Variants in XPO6 observed in about 807,000 individuals in gnomAD.
XPO6 encodes the protein exportin 6.
Under a neutral mutation model 130.0 loss-of-function variants are expected in XPO6, and 3 were observed. The ratio of observed to expected loss-of-function variants is 0.02; its 90% CI spans 0.01 to 0.06. The LOEUF is 0.06. XPO6 is among the 10% of genes least tolerant of loss of function. The pLI is 1.00. For missense variants in XPO6, 970 were observed against 1,393.0 expected (o/e 0.70, Z 4.83); for synonymous variants, 524 against 548.9 (o/e 0.95, Z 0.63).
At chr16:28,128,354 C>G (rs984292512) in intron 12 of XPO6, among the ~76,000 whole-genome samples, 103 of 152,140 alleles carry the variant, frequency 6.8e-4, no homozygotes, top group African/African-American at 2.4e-3. Context: ...CAGAGCAACA[C>G]TGGGGGTCAC....
chr16:28,119,257 G>T (rs1004536799), intron 14 of XPO6, among the ~76,000 whole-genome samples: 1 of 150,884 alleles, frequency 6.6e-6, no homozygotes, highest in South Asian at 2.1e-4. Context: ...GGGCTCAAGC[G>T]ATCTTCCCAC....
chr16:28,129,531 T>TGA (rs1190398639), intron 12 of XPO6, among the ~76,000 whole-genome samples: 1,875 of 152,258 alleles, frequency 0.012, 37 homozygotes, highest in African/African-American at 0.043. Flanking sequence ...AACCAAGTCA[T>TGA]TCTAAAGCTG....
intron 10 of XPO6, among the ~76,000 whole-genome samples, chr16:28,134,142 C>G (rs764096908): frequency 6.6e-6 from 1 of 152,222 alleles, no homozygotes; most frequent in Non-Finnish European, 1.5e-5. Flanking sequence ...AAATGATCCA[C>G]ATAGAATAAG....
intron 1 of XPO6, among the ~76,000 whole-genome samples, chr16:28,197,304 C>T (rs941878874): frequency 5.9e-5 from 9 of 151,904 alleles, no homozygotes; most frequent in Admixed American, 1.3e-4. Context: ...AACTAACTTA[C>T]GACTGGAAAA....
In XPO6 at chr16:28,193,949, T is replaced by C. The variant is rs574133247; in HGVS notation, c.4-12918A>G. ...CCCAACAGGTGGCTGGGTACGCTTG[T>C]CCTGGGAAGGCCTTAGCATGAACTG... On this transcript the variant is annotated intron_variant, in intron 1 of 23. Transcript: ENST00000304658. Among the ~76,000 whole-genome samples the C allele has an allele frequency of 2.6e-5, 4 of 152,224 alleles. No homozygotes were observed. In the South Asian group the frequency reaches 8.3e-4, roughly 32 times the overall value.
intron 2 of XPO6, among the ~76,000 whole-genome samples, chr16:28,179,796 G>C (rs1767374902): frequency 6.6e-6 from 1 of 152,060 alleles, no homozygotes; most frequent in Non-Finnish European, 1.5e-5. Context: ...CAATGACTAG[G>C]TACAAAGAGA....
chr16:28,188,497 C>T lies in XPO6; in HGVS notation c.4-7466G>A, dbSNP rs577274427. On this transcript the variant is annotated intron_variant, in intron 1 of 23. Transcript: ENST00000304658. ...AGGTTTCGAAGAAAAGTGATTCTAT[C>T]CCTGCTGCCAACGAAGGTTAAAAAG... is the stretch of plus-strand genomic sequence containing the variant. Among the ~76,000 whole-genome samples the T allele has an allele frequency of 3.9e-5, 6 of 152,114 alleles. No individual in the cohort carries two copies. In the East Asian group the frequency reaches 1.2e-3, roughly 29 times the overall value.
intron 1 of XPO6, among the ~76,000 whole-genome samples, chr16:28,207,225 G>C (rs190621219): frequency 6.6e-4 from 100 of 151,062 alleles, no homozygotes; most frequent in African/African-American, 2.3e-3. Flanking sequence ...TCCAGCCTGG[G>C]TGCAAAAGCA....
At chr16:28,116,809 C>CA (rs1016755707) in intron 15 of XPO6, among the ~76,000 whole-genome samples, 48 of 152,132 alleles carry the variant, frequency 3.2e-4, no homozygotes, top group African/African-American at 1.1e-3. Context: ...GATATAGTAA[C>CA]AAAAAAGTCT....
At position 28,211,753 on chromosome 16, in the gene XPO6, C is replaced by G. The variant is rs4334304; in HGVS notation, c.-385G>C. 14,398 of 332,340 alleles carry G rather than the reference C, an allele frequency of 0.043. 1,118 individuals are homozygous for G. Among genetic ancestry groups the G allele is most frequent in the East Asian group, 0.2 (4,374 of 21,734 alleles). 20.6% of individuals were successfully genotyped at this position (332,340 alleles called of 1,614,324 possible). A position where few individuals can be genotyped will look rare whatever the true frequency, so the allele number is the denominator to read the frequency against. On this transcript the variant is annotated 5_prime_UTR_variant, in exon 1 of 24. Coordinates refer to ENST00000304658, the MANE Select transcript of XPO6 (RefSeq NM_015171.4). ...GCAGAGGTGGCGGCGGCCCCGGCCC[C>G]GAGGCTGAACGGGCGGAGGCTGACA...
chr16:28,103,736 G>A (rs75785297), intron 21 of XPO6, among the ~76,000 whole-genome samples: 149 of 152,296 alleles, frequency 9.8e-4, no homozygotes, highest in Non-Finnish European at 1.9e-3. Flanking sequence ...GAAGGCCAGG[G>A]CAAGGGCACG....
At chr16:28,100,133 G>A (rs559214681) in intron 23 of XPO6, among the ~76,000 whole-genome samples, 5 of 152,236 alleles carry the variant, frequency 3.3e-5, no homozygotes, top group South Asian at 2.1e-4. Flanking sequence ...GATTACAGGC[G>A]TGTGCCACCA....
intron 1 of XPO6, among the ~76,000 whole-genome samples, chr16:28,189,400 G>A (rs1336449581): frequency 6.6e-6 from 1 of 152,068 alleles, no homozygotes; most frequent in Non-Finnish European, 1.5e-5. Flanking sequence ...CAGAGACACT[G>A]GATGACTCGC....
intron 6 of XPO6, among the ~76,000 whole-genome samples, chr16:28,163,348 C>T (rs2043307190): frequency 6.6e-6 from 1 of 152,228 alleles, no homozygotes; most frequent in Non-Finnish European, 1.5e-5. Context: ...ACATCCTCAT[C>T]CTGAAGAACT....
At chr16:28,172,015 C>A (rs984241107) in intron 4 of XPO6, among the ~76,000 whole-genome samples, 1 of 152,096 alleles carries the variant, frequency 6.6e-6, no homozygotes, top group African/African-American at 2.4e-5. Context: ...TGGCAATATA[C>A]ACCCTCCTAT....
In XPO6 at chr16:28,116,929, G is replaced by A. The variant is rs531029430; in HGVS notation, c.2004+389C>T. On this transcript the variant is annotated intron_variant, in intron 15 of 23. Transcript: ENST00000304658. ...CAGGGTTGCCATAAGCCTTCAACTTGTAAAAAACACAGTCTCTGTGAAGCG... is the reference window on the plus strand; with the variant it reads ...CAGGGTTGCCATAAGCCTTCAACTTATAAAAAACACAGTCTCTGTGAAGCG... The A allele has an allele frequency of 4.0e-5, 7 of 176,278 alleles. No homozygotes were observed. In the East Asian group the frequency reaches 9.8e-4, roughly 25 times the overall value. 10.9% of individuals were successfully genotyped at this position (176,278 alleles called of 1,614,324 possible). A position where few individuals can be genotyped will look rare whatever the true frequency, so the allele number is the denominator to read the frequency against.
intron 5 of XPO6, 148 bp downstream of exon 5, chr16:28,169,602 G>A: frequency 1.1e-6 from 1 of 923,480 alleles, no homozygotes; most frequent in Non-Finnish European, 1.6e-6. Flanking sequence ...GCTAGACCCT[G>A]GGCTATAGGT....
chr16:28,113,010 A>G lies in XPO6; in HGVS notation c.2045T>C (p.Val682Ala). The G allele has an allele frequency of 6.2e-7, 1 of 1,614,034 alleles. No individual in the cohort carries two copies. Among genetic ancestry groups the G allele is most frequent in the Non-Finnish European group, 8.5e-7 (1 of 1,179,982 alleles). The change falls in exon 16 of 24, where the codon GTC (valine) becomes GCC (alanine). Residue 682 changes from valine to alanine, a missense_variant. Physicochemically the swap from Val to Ala is moderately conservative, Grantham distance 64. Coordinates refer to ENST00000304658, the MANE Select transcript of XPO6 (RefSeq NM_015171.4). The part of the protein sequence containing the change: ...KLLLSACHLL[V>A]SLATTVRPVF... ...GGGCCGCACGGTGGTGGCCAGTGAG[A>G]CCAGTAAGTGGCACGCAGATAGCAG...
chr16:28,174,864 C>A (rs533013396), intron 4 of XPO6, among the ~76,000 whole-genome samples: 1 of 152,290 alleles, frequency 6.6e-6, no homozygotes, highest in East Asian at 1.9e-4. Flanking sequence ...TAGCTCAATA[C>A]ATGAAAATGT....
Sources: allele counts gnomAD v4.1 joint callset (sites outside exome capture counted in the v4.1 genomes callset), GRCh38; gene constraint gnomAD v4.1.1; transcripts MANE v1.5; gene names NCBI Gene and HGNC (gene_info 2026-07-23, HGNC 2026-07-21).